TNKS: variants seen among roughly 807,000 people sequenced by gnomAD.
TNKS encodes poly [ADP-ribose] polymerase tankyrase-1.
Under a neutral mutation model 135.8 loss-of-function variants are expected in TNKS, and 72 were observed. The observed-to-expected ratio is 0.53, with a 90% CI of 0.44 to 0.64. TNKS has a LOEUF of 0.64. Ranked by LOEUF, TNKS falls within the 30% of genes least tolerant of loss-of-function variation. TNKS has a pLI of 0.00. For missense variants in TNKS, 1,769 were observed against 1,674.0 expected (o/e 1.06, Z -0.99); for synonymous variants, 849 against 649.3 (o/e 1.31, Z -4.68).
rs1464074464 is a variant in TNKS at position 9,736,454 on chromosome 8, T to A, written c.2643+968T>A. Among the ~76,000 whole-genome samples, 3 of 152,036 alleles carry A rather than the reference T, an allele frequency of 2.0e-5. No homozygotes were observed. The South Asian group carries it at 6.2e-4, about 31-fold the overall frequency. On this transcript the variant is annotated intron_variant, in intron 17 of 26. Transcript: ENST00000310430. ...AAAACCTCCAGGTGAAAGTCCAGAG[T>A]TTTGGACATGAAGTCCTTGCCCACG... is the stretch of plus-strand genomic sequence containing the variant.
intron 3 of TNKS, among the ~76,000 whole-genome samples, chr8:9,653,912 A>G (rs1470403148): frequency 1.3e-5 from 2 of 151,804 alleles, no homozygotes; most frequent in African/African-American, 2.4e-5. Flanking sequence ...CTACCAGATG[A>G]CTTCAGCCTC....
chr8:9,706,477 C>T (rs1162007640), intron 7 of TNKS, among the ~76,000 whole-genome samples: 4 of 152,232 alleles, frequency 2.6e-5, no homozygotes, highest in Admixed American at 6.5e-5. Flanking sequence ...GATCCTCCCC[C>T]TCAGCCTCCC....
rs1233481349 is a variant in TNKS at position 9,640,587 on chromosome 8, C to T, written c.994+24910C>T. ...AAGAACCTGCCTTAAGTTATATGCA[C>T]GGTAATGATTAAGAATTAAATTTGA... On this transcript the variant is annotated intron_variant, in intron 3 of 26. Coordinates refer to ENST00000310430, the MANE Select transcript of TNKS (RefSeq NM_003747.3). Among the ~76,000 whole-genome samples the T allele has an allele frequency of 2.7e-5, 4 of 145,732 alleles. 1 individual carries two copies. The highest frequency in any genetic ancestry group is 6.0e-5 in the Non-Finnish European group (4 of 66,570).
In TNKS at chr8:9,601,439, G is replaced by T. The variant is rs141016064; in HGVS notation, c.899-14143G>T. ...ATCATTGTTTGTATTGCCTCTTCTA[G>T]TTCCTTGGCCAAACTTTTTAAGTCC... On this transcript the variant is annotated intron_variant, in intron 2 of 26. Coordinates refer to ENST00000310430, the MANE Select transcript of TNKS (RefSeq NM_003747.3). Among the ~76,000 whole-genome samples, 401 of 152,206 alleles carry T rather than the reference G, an allele frequency of 2.6e-3. 3 individuals carry two copies. Among genetic ancestry groups the T allele is most frequent in the African/African-American group, 8.0e-3 (334 of 41,522 alleles).
intron 2 of TNKS, among the ~76,000 whole-genome samples, chr8:9,606,776 G>T (rs1380116017): frequency 6.6e-6 from 1 of 152,064 alleles, no homozygotes; most frequent in Non-Finnish European, 1.5e-5. Flanking sequence ...GGACATGGTA[G>T]TCACTCTGTG....
At chr8:9,569,781 G>A (rs1021899027) in intron 1 of TNKS, among the ~76,000 whole-genome samples, 4 of 151,962 alleles carry the variant, frequency 2.6e-5, no homozygotes, top group Non-Finnish European at 5.9e-5. Context: ...ATATCTCTTC[G>A]TATTCTTTTT....
chr8:9,655,132 G>C (rs575770543), intron 3 of TNKS, among the ~76,000 whole-genome samples: 38 of 152,338 alleles, frequency 2.5e-4, no homozygotes, highest in African/African-American at 7.9e-4. Context: ...CGCCCATGGA[G>C]CCTCACTCAT....
intron 2 of TNKS, among the ~76,000 whole-genome samples, chr8:9,581,893 A>T (rs542080050): frequency 6.6e-6 from 1 of 152,172 alleles, no homozygotes; most frequent in East Asian, 1.9e-4. Context: ...TATTGAAATA[A>T]AAGACTAGAT....
chr8:9,638,709 T>C (rs955129054), intron 3 of TNKS, among the ~76,000 whole-genome samples: 2 of 152,226 alleles, frequency 1.3e-5, no homozygotes, highest in Non-Finnish European at 2.9e-5. Context: ...GAAGTAAAGA[T>C]AGTTTCCCTT....
At chr8:9,717,656 A>G (rs559272619) in intron 11 of TNKS, among the ~76,000 whole-genome samples, 1 of 152,312 alleles carries the variant, frequency 6.6e-6, no homozygotes, top group South Asian at 2.1e-4. Flanking sequence ...ATCTGTTTAT[A>G]CAAGGCATGG....
intron 2 of TNKS, among the ~76,000 whole-genome samples, chr8:9,582,012 TA>T (rs1255749849): frequency 6.6e-6 from 1 of 152,172 alleles, no homozygotes; most frequent in Non-Finnish European, 1.5e-5. Context: ...TTGTGCCTTA[TA>T]AAAGTTGAGG....
chr8:9,595,179 T>C (rs1009941771), intron 2 of TNKS, among the ~76,000 whole-genome samples: 4 of 151,804 alleles, frequency 2.6e-5, no homozygotes, highest in African/African-American at 9.7e-5. Context: ...TGGAGTGCAA[T>C]GTGTGATCTC....
intron 3 of TNKS, among the ~76,000 whole-genome samples, chr8:9,678,613 C>A (rs1413267225): frequency 6.6e-6 from 1 of 152,074 alleles, no homozygotes; most frequent in Non-Finnish European, 1.5e-5. Flanking sequence ...TAATCTTAAT[C>A]CAGGAGGCAA....
chr8:9,578,015 A>T (rs1441279739), intron 1 of TNKS, among the ~76,000 whole-genome samples: 1 of 152,198 alleles, frequency 6.6e-6, no homozygotes, highest in Admixed American at 6.5e-5. Flanking sequence ...CCAGCAGGGC[A>T]GTTGTTCAAT....
chr8:9,714,190 C>G (rs1174447955), intron 11 of TNKS, among the ~76,000 whole-genome samples: 1 of 152,152 alleles, frequency 6.6e-6, no homozygotes, highest in Non-Finnish European at 1.5e-5. Context: ...TAATGTTAAA[C>G]TAAATGTACG....
At chr8:9,743,958 ATAGT>A (rs1337602844) in intron 17 of TNKS, among the ~76,000 whole-genome samples, 1 of 152,232 alleles carries the variant, frequency 6.6e-6, no homozygotes, top group Non-Finnish European at 1.5e-5. Context: ...GTGAAATTAC[ATAGT>A]TATTTACTTA....
At chr8:9,658,818 G>C (rs898418225) in intron 3 of TNKS, among the ~76,000 whole-genome samples, 1 of 152,214 alleles carries the variant, frequency 6.6e-6, no homozygotes, top group African/African-American at 2.4e-5. Context: ...AGACCCATCA[G>C]TGTGCTGTAT....
At chr8:9,638,122 A>G (rs1479413098) in intron 3 of TNKS, among the ~76,000 whole-genome samples, 1 of 152,156 alleles carries the variant, frequency 6.6e-6, no homozygotes, top group Non-Finnish European at 1.5e-5. Flanking sequence ...CTATGGGCGT[A>G]CGCCACTATA....
chr8:9,751,630 C>T lies in TNKS; in HGVS notation c.2854C>T (p.Leu952=). The T allele has an allele frequency of 6.2e-7, 1 of 1,614,026 alleles. No individual in the cohort carries two copies. The highest frequency in any genetic ancestry group is 8.5e-7 in the Non-Finnish European group (1 of 1,179,970). ...TTAGGCTGACGATATCAGAGCTTTG[C>T]TGATAGATGCCATGCCCCCAGAGGC... ...LATADDIRAL[L]IDAMPPEALP... Residue 952 remains leucine, a synonymous_variant, in exon 19 of 27, where the codon CTG becomes TTG. Transcript: ENST00000310430.
Sources: gnomAD v4.1 joint callset for allele counts (sites outside exome capture counted in the v4.1 genomes callset) on GRCh38, gnomAD v4.1.1 for gene constraint, MANE v1.5 for transcripts, NCBI Gene and HGNC (gene_info 2026-07-23, HGNC 2026-07-21) for gene names.